The following ATP9B variants were observed in gnomAD, a reference collection of about 807,000 sequenced individuals.
The protein encoded by ATP9B is ATPase phospholipid transporting 9B.
ATP9B carries 110 observed loss-of-function variants against 146.1 expected under a neutral mutation model. That is an observed-to-expected ratio of 0.75 (90% CI 0.65 to 0.88). The LOEUF is 0.88. Ranked by LOEUF, ATP9B falls within the 40% of genes least tolerant of loss-of-function variation. ATP9B has a pLI of 0.00. For missense variants in ATP9B, 1,499 were observed against 1,496.4 expected (o/e 1.00, Z -0.03); for synonymous variants, 604 against 569.7 (o/e 1.06, Z -0.86).
chr18:79,331,431 TA>T (rs2096789540), intron 17 of ATP9B, among the ~76,000 whole-genome samples: 1 of 152,246 alleles, frequency 6.6e-6, no homozygotes, highest in Admixed American at 6.5e-5. Context: ...GCCAAATCAA[TA>T]AATGTTTTGC....
chr18:79,206,916 T>A (rs1431248861), intron 9 of ATP9B, 21 bp from the exon 10 acceptor site: 1 of 1,611,172 alleles, frequency 6.2e-7, no homozygotes, highest in Non-Finnish European at 8.5e-7. Context: ...GGTTTTGTTT[T>A]CTTTTTGTCT....
At chr18:79,192,822 C>T (rs1188105365) in intron 8 of ATP9B, among the ~76,000 whole-genome samples, 2 of 152,062 alleles carry the variant, frequency 1.3e-5, no homozygotes. Flanking sequence ...TGAGGAATTG[C>T]GATGGTTCCT....
At chr18:79,375,315 T>C (rs2097096618) in intron 28 of ATP9B, 79 bp from the exon 29 acceptor site, 2 of 1,310,654 alleles carry the variant, frequency 1.5e-6, no homozygotes, top group African/African-American at 1.5e-5. Flanking sequence ...GTATTTCTTA[T>C]TCTTTTGCTA....
At chr18:79,189,911 A>G (rs1205097263) in intron 8 of ATP9B, among the ~76,000 whole-genome samples, 1 of 152,224 alleles carries the variant, frequency 6.6e-6, no homozygotes, top group African/African-American at 2.4e-5. Context: ...GCCAAACACG[A>G]TGGAAAACAT....
chr18:79,284,173 G>A (rs1406535878), intron 13 of ATP9B, among the ~76,000 whole-genome samples: 1 of 152,198 alleles, frequency 6.6e-6, no homozygotes, highest in Non-Finnish European at 1.5e-5. Flanking sequence ...GTGCTAGTGA[G>A]TGCATACGAG....
intron 12 of ATP9B, among the ~76,000 whole-genome samples, chr18:79,264,723 T>C (rs901222221): frequency 5.3e-5 from 8 of 152,096 alleles, no homozygotes; most frequent in African/African-American, 1.9e-4. Context: ...AATACCATAT[T>C]TCTGCAAACC....
chr18:79,284,628 T>G (rs1006395801), intron 13 of ATP9B, among the ~76,000 whole-genome samples: 1 of 152,114 alleles, frequency 6.6e-6, no homozygotes. Flanking sequence ...TTAATTTTTT[T>G]ATTATTATTA....
chr18:79,226,045 C>T (rs1247984847), intron 11 of ATP9B, among the ~76,000 whole-genome samples: 1 of 152,210 alleles, frequency 6.6e-6, no homozygotes, highest in Non-Finnish European at 1.5e-5. Context: ...CTTCAGCTTC[C>T]CTCCTTTCTG....
At chr18:79,174,867 G>A (rs963522069) in intron 7 of ATP9B, among the ~76,000 whole-genome samples, 2 of 152,008 alleles carry the variant, frequency 1.3e-5, no homozygotes, top group African/African-American at 4.8e-5. Flanking sequence ...TTTTAGTGAT[G>A]AATAAATACA....
chr18:79,109,656 C>G (rs571298123), intron 2 of ATP9B, among the ~76,000 whole-genome samples: 2 of 151,756 alleles, frequency 1.3e-5, no homozygotes, highest in African/African-American at 4.8e-5. Context: ...ATCTCTGCCT[C>G]CCGGGTTCAA....
At chr18:79,111,604 C>T (rs1398785575) in intron 3 of ATP9B, among the ~76,000 whole-genome samples, 1 of 152,154 alleles carries the variant, frequency 6.6e-6, no homozygotes, top group African/African-American at 2.4e-5. Context: ...TTATTAAATA[C>T]TCACAGATCT....
intron 7 of ATP9B, among the ~76,000 whole-genome samples, chr18:79,157,404 A>AAAAAAAACAAAC (rs1387200740): frequency 2.1e-5 from 3 of 144,268 alleles, no homozygotes; most frequent in South Asian, 2.5e-4. Flanking sequence ...CTCAAAAAAA[A>AAAAAAAACAAAC]AAAAAAAAAA....
chr18:79,367,664 C>T (rs906926136), intron 26 of ATP9B, among the ~76,000 whole-genome samples: 3 of 152,270 alleles, frequency 2.0e-5, no homozygotes, highest in Admixed American at 1.3e-4. Flanking sequence ...GCCACTGTCA[C>T]GAGGTCTTCC....
intron 26 of ATP9B, among the ~76,000 whole-genome samples, chr18:79,367,273 G>A (rs1254895010): frequency 1.2e-4 from 17 of 138,152 alleles, no homozygotes; most frequent in Non-Finnish European, 2.4e-4. Flanking sequence ...CGCAGAGAAA[G>A]TGCCTCCTCA....
chr18:79,210,711 A>G (rs1177358664), intron 10 of ATP9B, among the ~76,000 whole-genome samples: 1 of 152,228 alleles, frequency 6.6e-6, no homozygotes, highest in African/African-American at 2.4e-5. Flanking sequence ...AGCAGTGCAC[A>G]CTGGGGTTCT....
chr18:79,174,266 C>T, intron 7 of ATP9B: 2 of 300,206 alleles, frequency 6.7e-6, no homozygotes, highest in South Asian at 2.7e-5. Flanking sequence ...GCTGCGTCAC[C>T]ATCGTCCCCT....
intron 25 of ATP9B, among the ~76,000 whole-genome samples, chr18:79,349,600 C>T (rs565576269): frequency 6.6e-6 from 1 of 152,180 alleles, no homozygotes; most frequent in Non-Finnish European, 1.5e-5. Context: ...CCCAGGAGTT[C>T]CTCACAATTT....
chr18:79,147,619 G>A (rs1163419755), intron 6 of ATP9B, among the ~76,000 whole-genome samples: 1 of 152,068 alleles, frequency 6.6e-6, no homozygotes, highest in African/African-American at 2.4e-5. Flanking sequence ...AATACATACA[G>A]CTGAATAAAA....
At chr18:79,097,947 G>A (rs989105841) in intron 2 of ATP9B, among the ~76,000 whole-genome samples, 10 of 151,902 alleles carry the variant, frequency 6.6e-5, no homozygotes, top group Admixed American at 3.9e-4. Context: ...CTGAGGAATC[G>A]CCACACTGAC....
Sources: allele counts gnomAD v4.1 joint callset (sites outside exome capture counted in the v4.1 genomes callset), GRCh38; gene constraint gnomAD v4.1.1; transcripts MANE v1.5; gene names NCBI Gene and HGNC (gene_info 2026-07-23, HGNC 2026-07-21).